The following TTYH2 variants were observed in gnomAD, a reference collection of about 807,000 sequenced individuals.
The protein encoded by TTYH2 is tweety family member 2, also known as protein tweety homolog 2.
A neutral mutation model predicts 68.3 loss-of-function variants in TTYH2; 49 were observed. The observed-to-expected ratio is 0.72, with a 90% CI of 0.57 to 0.91. The LOEUF is 0.91. Ranked by LOEUF, TTYH2 falls within the 40% of genes least tolerant of loss-of-function variation. The probability of loss-of-function intolerance (pLI) is 0.00; values close to 1 mark genes in which losing one functional copy is unlikely to be tolerated. For missense variants in TTYH2, 631 were observed against 700.4 expected, an observed-to-expected ratio of 0.90 and a Z score of 1.12; for synonymous variants, 272 against 300.8, an observed-to-expected ratio of 0.90 and a Z score of 0.99.
At chr17:74,227,342 C>T (rs142994184) in intron 2 of TTYH2, among the ~76,000 whole-genome samples, 110 of 152,088 alleles carry the variant, frequency 7.2e-4, no homozygotes, top group African/African-American at 2.3e-3. Flanking sequence ...CCACAGGGCC[C>T]GAGAGAATAG....
At chr17:74,240,087 T>C (rs1376622745) in intron 4 of TTYH2, among the ~76,000 whole-genome samples, 1 of 152,198 alleles carries the variant, frequency 6.6e-6, no homozygotes, top group African/African-American at 2.4e-5. Flanking sequence ...ACATCAGCTA[T>C]TTCAGCGTGG....
chr17:74,249,980 G>A lies in TTYH2; in HGVS notation c.975G>A (p.Gln325=). ...FQRALTTMQI[Q]VAGLLQFAVP... is the part of the protein sequence containing the mutation. The stretch of plus-strand genomic sequence containing the variant: ...GCGCACTTACCACCATGCAGATCCA[G>A]GTCGCGGGGCTGCTGCAGTTTGCCG... The change falls in exon 9 of 14, where the codon CAG becomes CAA. Residue 325 remains glutamine (Q), a synonymous_variant. Coordinates refer to ENST00000269346, the MANE Select transcript of TTYH2 (RefSeq NM_032646.6). The A allele has an allele frequency of 6.2e-7, 1 of 1,614,140 alleles. No individual in the cohort carries two copies. Among genetic ancestry groups the A allele is most frequent in the East Asian group, 2.2e-5 (1 of 44,866 alleles).
intron 2 of TTYH2, among the ~76,000 whole-genome samples, chr17:74,225,460 A>T (rs2050320478): frequency 6.6e-6 from 1 of 152,192 alleles, no homozygotes. Flanking sequence ...GCAAAGAGGT[A>T]GCGTGACCCG....
rs1037900924 is a variant in TTYH2, at chr17:74,260,499, C to T, written c.*290C>T. On this transcript the variant is annotated 3_prime_UTR_variant, in exon 14 of 14. Coordinates refer to ENST00000269346, the MANE Select transcript of TTYH2 (RefSeq NM_032646.6). ...GGCTGCCTGGCCCTGCTCACCCCTA[C>T]GCCTCGCCCTTGCCAGGAGGGGAGT... The T allele has an allele frequency of 1.1e-4, 46 of 434,064 alleles. No homozygotes were observed. The highest frequency in any genetic ancestry group is 1.5e-4 in the Non-Finnish European group (36 of 233,026). 26.9% of individuals were successfully genotyped at this position (434,064 alleles called of 1,614,324 possible).
At chr17:74,223,489 T>G (rs2143722783) in intron 2 of TTYH2, among the ~76,000 whole-genome samples, 1 of 152,068 alleles carries the variant, frequency 6.6e-6, no homozygotes, top group African/African-American at 2.4e-5. Flanking sequence ...CCCCTCAGCT[T>G]CCCAAAGCAC....
intron 1 of TTYH2, among the ~76,000 whole-genome samples, chr17:74,220,955 T>A (rs2050270005): frequency 1.3e-5 from 2 of 152,018 alleles, no homozygotes; most frequent in Admixed American, 1.3e-4. Flanking sequence ...CCCAGCTAAT[T>A]TTTTATTTTT....
In TTYH2 at chr17:74,234,552, G is replaced by A. The variant is rs778302268; in HGVS notation, c.415-2742G>A. Reference sequence around the variant, plus strand: ...TCAAGAACAGCCTGGGCAGCATAGCGAGACCCCATCTCAAAAAAACAATTT... The same window carrying A: ...TCAAGAACAGCCTGGGCAGCATAGCAAGACCCCATCTCAAAAAAACAATTT... On this transcript the variant is annotated intron_variant, in intron 3 of 13. Coordinates refer to ENST00000269346, the MANE Select transcript of TTYH2 (RefSeq NM_032646.6). Among the ~76,000 whole-genome samples the A allele has an allele frequency of 2.0e-5, 3 of 152,202 alleles. No homozygotes were observed. The East Asian group carries it at 5.8e-4, about 29-fold the overall frequency.
At position 74,222,357 on chromosome 17, in the gene TTYH2, T is replaced by G; in HGVS notation, c.130-128T>G. The stretch of plus-strand genomic sequence containing the variant: ...ACAGAGTAGGAGCTTGAACCCTAGG[T>G]GGAGCTTGGAAGGATGGACGAGAGA... On this transcript the variant is annotated intron_variant, in intron 1 of 13. Coordinates refer to ENST00000269346, the MANE Select transcript of TTYH2 (RefSeq NM_032646.6). This position sits in a 1 kb window ranked among gnomAD's most constrained non-coding sequence, Gnocchi z 5.2. 2.9e-5 allele frequency: 33 copies of G among 1,125,438 alleles called. No individual in the cohort carries two copies. The highest frequency in any genetic ancestry group is 3.8e-5 in the Non-Finnish European group (31 of 812,692). 69.7% of individuals were successfully genotyped at this position (1,125,438 alleles called of 1,614,324 possible).
In TTYH2 at chr17:74,228,794, G is replaced by C. The variant is rs143957585; in HGVS notation, c.303-2094G>C. 2.5e-3 allele frequency among the ~76,000 whole-genome samples: 379 copies of C among 152,328 alleles called. 2 individuals are homozygous for C. The highest frequency in any genetic ancestry group is 8.9e-3 in the African/African-American group (368 of 41,568). On this transcript the variant is annotated intron_variant, in intron 2 of 13. Coordinates refer to ENST00000269346, the MANE Select transcript of TTYH2 (RefSeq NM_032646.6). ...GACCCCTGCTGCGCTCAGAGCTGAT[G>C]AACAACCTGGACTTGAGTGACTCAC... is the stretch of plus-strand genomic sequence containing the variant.
At chr17:74,223,275 G>C (rs1054212081) in intron 2 of TTYH2, among the ~76,000 whole-genome samples, 1 of 133,406 alleles carries the variant, frequency 7.5e-6, no homozygotes, top group South Asian at 2.7e-4. Context: ...TGCCTGCCTG[G>C]CTTTTTTTTT....
Position 74,231,420 on chromosome 17 carries a change from G to A in TTYH2, c.414+421G>A, listed in dbSNP as rs117554901. On this transcript the variant is annotated intron_variant, in intron 3 of 13. Transcript: ENST00000269346. The stretch of plus-strand genomic sequence containing the variant: ...CTTCAGAGACAACTGAGGGCTGGGC[G>A]TGGTGGCTCACTCCTGTCTTCCCAG... 7.1e-3 allele frequency among the ~76,000 whole-genome samples: 1,078 copies of A among 152,294 alleles called. 5 individuals are homozygous for A. Among genetic ancestry groups the A allele is most frequent in the Non-Finnish European group, 0.011 (765 of 68,008 alleles).
chr17:74,260,451 C>A lies in TTYH2; in HGVS notation c.*242C>A. 1 of 541,200 alleles carries A rather than the reference C, an allele frequency of 1.8e-6. No homozygotes were observed. The highest frequency in any genetic ancestry group is 3.3e-6 in the Non-Finnish European group (1 of 299,706). 33.5% of individuals were successfully genotyped at this position (541,200 alleles called of 1,614,324 possible). On this transcript the variant is annotated 3_prime_UTR_variant, in exon 14 of 14. Coordinates refer to ENST00000269346, the MANE Select transcript of TTYH2 (RefSeq NM_032646.6). ...GAAATGCCCCCAGGTGCTTGGCTGC[C>A]TCAGAGGTACCATCCCTGAGCTGGC...
chr17:74,220,890 G>A (rs141839280), intron 1 of TTYH2, among the ~76,000 whole-genome samples: 3,536 of 152,088 alleles, frequency 0.023, 146 homozygotes, highest in African/African-American at 0.078. Context: ...AGTCTCAAGC[G>A]ATCTTCCCAC....
At chr17:74,230,008 G>A (rs2050371215) in intron 2 of TTYH2, among the ~76,000 whole-genome samples, 1 of 152,182 alleles carries the variant, frequency 6.6e-6, no homozygotes, top group South Asian at 2.1e-4. Context: ...GCGGACACCT[G>A]TAATCTCAGC....
chr17:74,213,629 C>T lies in TTYH2; in HGVS notation c.42C>T (p.Val14=), dbSNP rs2050192680. The change falls in exon 1 of 14, where the codon GTC becomes GTT. Residue 14 remains valine, a synonymous_variant. Coordinates refer to ENST00000269346, the MANE Select transcript of TTYH2 (RefSeq NM_032646.6). This position sits in a 1 kb window ranked among gnomAD's most constrained non-coding sequence, Gnocchi z 6.1. The part of the protein sequence containing the change: ...ARVDYIAPWW[V]VWLHSVPHVG... Reference sequence around the variant, plus strand: ...TGGACTACATCGCTCCCTGGTGGGTCGTGTGGCTGCACAGCGTCCCGCACG... The same window carrying T: ...TGGACTACATCGCTCCCTGGTGGGTTGTGTGGCTGCACAGCGTCCCGCACG... 5 of 1,611,778 alleles carry T rather than the reference C, an allele frequency of 3.1e-6. No individual in the cohort carries two copies. The Admixed American group carries it at 8.3e-5, about 27-fold the overall frequency.
In TTYH2 at chr17:74,241,885, C is replaced by A. The variant is rs938434108; in HGVS notation, c.636-1489C>A. Reference sequence around the variant, plus strand: ...AGACCACTGGGCCTTGTGAGGACCACCTTGGGGACCTGTGTGGAAGGGAAA... The same window carrying A: ...AGACCACTGGGCCTTGTGAGGACCAACTTGGGGACCTGTGTGGAAGGGAAA... On this transcript the variant is annotated intron_variant, in intron 4 of 13. Coordinates refer to ENST00000269346, the MANE Select transcript of TTYH2 (RefSeq NM_032646.6). This position sits in a 1 kb window ranked among gnomAD's most constrained non-coding sequence, Gnocchi z 4.1. Among the ~76,000 whole-genome samples the A allele has an allele frequency of 4.6e-5, 7 of 152,234 alleles. No individual in the cohort carries two copies. The highest frequency in any genetic ancestry group is 1.7e-4 in the African/African-American group (7 of 41,470).
At chr17:74,247,734 G>A (rs1202246744) in intron 6 of TTYH2, among the ~76,000 whole-genome samples, 1 of 152,218 alleles carries the variant, frequency 6.6e-6, no homozygotes, top group African/African-American at 2.4e-5. Flanking sequence ...ACACCACCAG[G>A]CCTGCTGGCG....
rs774329261 is a variant in TTYH2 at position 74,253,269 on chromosome 17, A to G, written c.1445+3A>G. On this transcript the variant is annotated splice_donor_region_variant and intron_variant, in intron 12 of 13. Coordinates refer to ENST00000269346, the MANE Select transcript of TTYH2 (RefSeq NM_032646.6). ...AACGCCCCTGTCTCCGAGTACATGT[A>G]CGGCCTGCACACACACCCAGGCTGG... The G allele has an allele frequency of 6.9e-6, 11 of 1,585,614 alleles. No homozygotes were observed. The highest frequency in any genetic ancestry group is 9.4e-6 in the Non-Finnish European group (11 of 1,166,620).
In TTYH2 at chr17:74,213,670, A is replaced by G; in HGVS notation, c.83A>G (p.Gln28Arg). Residue 28 changes from glutamine to arginine, a missense_variant, in exon 1 of 14, where the codon CAG becomes CGG. By Grantham distance (43) the Gln-to-Arg change is conservative. Transcript: ENST00000269346. This position sits in a 1 kb window ranked among gnomAD's most constrained non-coding sequence, Gnocchi z 6.1. Reference protein sequence around the residue: ...HSVPHVGLRLQPVNSTFSPGD... With the variant: ...HSVPHVGLRLRPVNSTFSPGD... ...GTCCCGCACGTCGGCCTGCGCCTGC[A>G]GCCCGTGAACAGCACCTTCAGCCCC... 1 of 1,612,616 alleles carries G rather than the reference A, an allele frequency of 6.2e-7. No individual in the cohort carries two copies. The highest frequency in any genetic ancestry group is 8.5e-7 in the Non-Finnish European group (1 of 1,179,558).
Sources: allele counts gnomAD v4.1 joint callset (sites outside exome capture counted in the v4.1 genomes callset), GRCh38; gene constraint gnomAD v4.1.1; non-coding constraint Gnocchi (gnomAD v3.1); transcripts MANE v1.5; gene names NCBI Gene and HGNC (gene_info 2026-07-23, HGNC 2026-07-21).